MSRA: variants seen among roughly 807,000 people sequenced by gnomAD.
MSRA encodes mitochondrial peptide methionine sulfoxide reductase.
MSRA carries 54 observed loss-of-function variants against 31.3 expected under a neutral mutation model. The observed-to-expected ratio is 1.73, with a 90% CI of 1.39 to 2.17. MSRA has a LOEUF of 2.17. MSRA is among the 30% of genes most tolerant of loss of function. The pLI, the probability that MSRA is intolerant of heterozygous loss-of-function variation, is 0.00. For synonymous variants in MSRA, 169 were observed against 116.5 expected, an observed-to-expected ratio of 1.45 and a Z score of -2.90; for missense variants, 507 against 300.9, an observed-to-expected ratio of 1.69 and a Z score of -5.07.
At chr8:10,309,396 G>T (rs551653742) in intron 4 of MSRA, among the ~76,000 whole-genome samples, 1 of 152,352 alleles carries the variant, frequency 6.6e-6, no homozygotes, top group South Asian at 2.1e-4. Flanking sequence ...GCCGCCTGTG[G>T]AAGGGCCGTT....
chr8:10,173,820 A>G (rs1805806813), intron 1 of MSRA, among the ~76,000 whole-genome samples: 1 of 152,142 alleles, frequency 6.6e-6, no homozygotes, highest in Admixed American at 6.5e-5. Flanking sequence ...TGCAATTGCA[A>G]ATGACTACAT....
At chr8:10,119,497 A>T (rs1800947162) in intron 1 of MSRA, among the ~76,000 whole-genome samples, 1 of 152,236 alleles carries the variant, frequency 6.6e-6, no homozygotes, top group East Asian at 1.9e-4. Flanking sequence ...TCTAGCACAG[A>T]AAAGCAACCA....
chr8:10,277,508 T>C (rs958737414), intron 3 of MSRA, among the ~76,000 whole-genome samples: 6 of 152,224 alleles, frequency 3.9e-5, no homozygotes, highest in Non-Finnish European at 7.4e-5. Flanking sequence ...TGATGTTTCC[T>C]ACCCCCATTT....
chr8:10,414,708 C>T (rs1032400030), intron 5 of MSRA, among the ~76,000 whole-genome samples: 1 of 152,222 alleles, frequency 6.6e-6, no homozygotes, highest in African/African-American at 2.4e-5. Context: ...GGAATGAAGG[C>T]TCTTTCCTTT....
At chr8:10,111,549 T>A (rs1194559132) in intron 1 of MSRA, among the ~76,000 whole-genome samples, 2 of 152,154 alleles carry the variant, frequency 1.3e-5, no homozygotes, top group Non-Finnish European at 2.9e-5. Flanking sequence ...CAGACAGGCC[T>A]TTTTGGGGAC....
In MSRA at chr8:10,284,371, T is replaced by G. The variant is rs1309805713; in HGVS notation, c.332-17163T>G. Among the ~76,000 whole-genome samples the G allele has an allele frequency of 5.9e-5, 9 of 151,994 alleles. 1 individual carries two copies. Among genetic ancestry groups the G allele is most frequent in the African/African-American group, 2.2e-4 (9 of 41,390 alleles). Reference sequence around the variant, plus strand: ...ACCCGGCTAATTTTTTTTTGGATTTTTACTAGATACTGGGGTTTCACCATG... The same window carrying G: ...ACCCGGCTAATTTTTTTTTGGATTTGTACTAGATACTGGGGTTTCACCATG... On this transcript the variant is annotated intron_variant, in intron 3 of 5. Coordinates refer to ENST00000317173, the MANE Select transcript of MSRA (RefSeq NM_012331.5).
chr8:10,101,091 C>G (rs1799500979), intron 1 of MSRA, among the ~76,000 whole-genome samples: 1 of 152,278 alleles, frequency 6.6e-6, no homozygotes, highest in Non-Finnish European at 1.5e-5. Flanking sequence ...ACAAATAGTC[C>G]TTTACCGTCT....
chr8:10,080,184 G>A (rs1375555890), intron 1 of MSRA, among the ~76,000 whole-genome samples: 4 of 152,128 alleles, frequency 2.6e-5, no homozygotes, highest in Admixed American at 6.5e-5. Context: ...ATACAGTTAC[G>A]ACATTCTCTT....
At chr8:10,187,816 A>G (rs761146563) in intron 1 of MSRA, among the ~76,000 whole-genome samples, 22 of 152,232 alleles carry the variant, frequency 1.4e-4, no homozygotes, top group South Asian at 2.1e-4. Context: ...AGGTAGTTCT[A>G]TAGTAGTTCT....
At chr8:10,164,379 C>T (rs758330607) in intron 1 of MSRA, among the ~76,000 whole-genome samples, 1 of 152,288 alleles carries the variant, frequency 6.6e-6, no homozygotes, top group South Asian at 2.1e-4. Flanking sequence ...GATCCCTTCC[C>T]TTGGCTGCTG....
intron 1 of MSRA, among the ~76,000 whole-genome samples, chr8:10,163,456 C>A (rs763474947): frequency 2.6e-5 from 4 of 152,220 alleles, no homozygotes; most frequent in Non-Finnish European, 5.9e-5. Context: ...CTGCTTGGCC[C>A]GTTTCATCTG....
In MSRA at chr8:10,320,002, G is replaced by C. The variant is rs749032793; in HGVS notation, c.543+13G>C. On this transcript the variant is annotated intron_variant, in intron 5 of 5. Coordinates refer to ENST00000317173, the MANE Select transcript of MSRA (RefSeq NM_012331.5). ...GAACTACCAAAAGGTAGGGATTGCT[G>C]GGCTCCTAGCCCCTGGCTTAGGCCA... The C allele has an allele frequency of 1.3e-6, 2 of 1,578,994 alleles. No individual in the cohort carries two copies. The highest frequency in any genetic ancestry group is 1.7e-6 in the Non-Finnish European group (2 of 1,158,028).
intron 1 of MSRA, among the ~76,000 whole-genome samples, chr8:10,122,099 A>T (rs571141395): frequency 2.0e-5 from 3 of 152,176 alleles, no homozygotes; most frequent in Admixed American, 2.0e-4. Context: ...CTGTCCTGTC[A>T]CCATGGCAAA....
At chr8:10,307,629 T>A (rs1801211594) in intron 4 of MSRA, among the ~76,000 whole-genome samples, 1 of 152,238 alleles carries the variant, frequency 6.6e-6, no homozygotes, top group African/African-American at 2.4e-5. Flanking sequence ...AAGGGAACTA[T>A]TGTACACATA....
At chr8:10,387,380 A>C (rs1806459180) in intron 5 of MSRA, among the ~76,000 whole-genome samples, 1 of 152,232 alleles carries the variant, frequency 6.6e-6, no homozygotes. Context: ...AGAAATCAAC[A>C]GGAGAAAAGG....
In MSRA at chr8:10,328,019, C is replaced by G. The variant is rs576714063; in HGVS notation, c.543+8030C>G. On this transcript the variant is annotated intron_variant, in intron 5 of 5. Transcript: ENST00000317173. ...CTTTAGCATAGTTTGAATACCATCT[C>G]TATGGTAATTTTTTTTTTTTTTTTT... Among the ~76,000 whole-genome samples the G allele has an allele frequency of 2.4e-5, 3 of 127,262 alleles. No individual in the cohort carries two copies. The Admixed American group carries it at 2.5e-4, about 11-fold the overall frequency. The allele number at this position is 127,262 out of a possible 152,430, so 83.5% of individuals were successfully genotyped here.
intron 5 of MSRA, among the ~76,000 whole-genome samples, chr8:10,341,982 C>T (rs1318109094): frequency 2.6e-5 from 4 of 152,164 alleles, no homozygotes; most frequent in Non-Finnish European, 5.9e-5. Flanking sequence ...GCTAGGCTCC[C>T]AGCCCAAGGT....
chr8:10,113,536 A>G (rs913773102), intron 1 of MSRA, among the ~76,000 whole-genome samples: 9 of 151,486 alleles, frequency 5.9e-5, no homozygotes, highest in South Asian at 2.1e-4. Context: ...TCTTCTTTGA[A>G]TGATGCTGTT....
intron 4 of MSRA, 45 bp from the exon 5 acceptor site, chr8:10,319,838 G>C: frequency 8.0e-7 from 1 of 1,244,200 alleles, no homozygotes; most frequent in Non-Finnish European, 1.1e-6. Flanking sequence ...GACTGGCACT[G>C]TCGCCTAGTG....
Sources: gnomAD v4.1 joint callset for allele counts (sites outside exome capture counted in the v4.1 genomes callset) on GRCh38, gnomAD v4.1.1 for gene constraint, MANE v1.5 for transcripts, NCBI Gene and HGNC (gene_info 2026-07-23, HGNC 2026-07-21) for gene names.